The following FOXP1 variants were observed in gnomAD, a reference collection of about 807,000 sequenced individuals.
FOXP1 encodes forkhead box P1.
FOXP1 carries 15 observed loss-of-function variants against 98.2 expected under a neutral mutation model. The ratio of observed to expected loss-of-function variants is 0.15; its 90% CI spans 0.10 to 0.24. The LOEUF is 0.24. Ranked by LOEUF, FOXP1 falls within the 10% of genes least tolerant of loss-of-function variation. The probability of loss-of-function intolerance (pLI) is 1.00; values close to 1 mark genes in which losing one functional copy is unlikely to be tolerated. For missense variants in FOXP1, 633 were observed against 848.5 expected (o/e 0.75, Z 3.15); for synonymous variants, 371 against 314.5 (o/e 1.18, Z -1.90).
At chr3:71,515,889 G>A (rs141801131) in intron 2 of FOXP1, among the ~76,000 whole-genome samples, 60 of 152,318 alleles carry the variant, frequency 3.9e-4, no homozygotes, top group Non-Finnish European at 7.4e-4. Context: ...GTCAGAATAC[G>A]CTCTGTCTCT....
chr3:71,566,988 G>GC (rs2046963126), intron 2 of FOXP1, among the ~76,000 whole-genome samples: 1 of 152,046 alleles, frequency 6.6e-6, no homozygotes. Flanking sequence ...AACATTCACA[G>GC]CCCCCACAAA....
At chr3:71,296,417 T>C (rs780338846) in intron 5 of FOXP1, 2 of 152,222 alleles carry the variant, frequency 1.3e-5, no homozygotes, top group Non-Finnish European at 2.9e-5. Flanking sequence ...TTTTAAATTG[T>C]ATATTTCCAA....
chr3:71,274,685 G>A (rs1054028015), intron 5 of FOXP1, among the ~76,000 whole-genome samples: 9 of 152,198 alleles, frequency 5.9e-5, no homozygotes, highest in African/African-American at 2.2e-4. Context: ...TAGCATTACA[G>A]GAGACAAGCC....
chr3:71,356,927 T>C (rs1281040505), intron 4 of FOXP1, among the ~76,000 whole-genome samples: 3 of 152,136 alleles, frequency 2.0e-5, no homozygotes, highest in Admixed American at 2.0e-4. Flanking sequence ...AAAAAGTGGC[T>C]CACAAGAATC....
chr3:71,364,855 T>A (rs1242175659), intron 3 of FOXP1, among the ~76,000 whole-genome samples: 1 of 152,262 alleles, frequency 6.6e-6, no homozygotes, highest in Non-Finnish European at 1.5e-5. Context: ...ATTAATGTTT[T>A]AAACATTTTT....
intron 14 of FOXP1, among the ~76,000 whole-genome samples, chr3:70,979,371 C>T (rs953893573): frequency 1.4e-5 from 2 of 144,770 alleles, no homozygotes; most frequent in Non-Finnish European, 3.0e-5. Context: ...CTTATCTTCA[C>T]CTTAAAGTAC....
chr3:71,174,785 T>TACACACACACACACACACAC (rs3064896), intron 6 of FOXP1, among the ~76,000 whole-genome samples: 191 of 131,746 alleles, frequency 1.4e-3, no homozygotes, highest in Middle Eastern at 3.7e-3. Flanking sequence ...TGCACATGCA[T>TACACACACACACACACACAC]ACACACACAC....
intron 3 of FOXP1, among the ~76,000 whole-genome samples, chr3:71,456,252 A>AG (rs1553889327): frequency 0.02 from 3,038 of 151,856 alleles, 97 homozygotes; most frequent in African/African-American, 0.068. Flanking sequence ...ACAACAGAGA[A>AG]AGAGAGAGAG....
chr3:71,215,109 T>C (rs1335231631), intron 5 of FOXP1, among the ~76,000 whole-genome samples: 1 of 152,214 alleles, frequency 6.6e-6, no homozygotes, highest in Non-Finnish European at 1.5e-5. Flanking sequence ...ATATTAAAGT[T>C]TAAGAAGGCA....
intron 2 of FOXP1, among the ~76,000 whole-genome samples, chr3:71,544,026 C>T (rs935162178): frequency 2.0e-5 from 3 of 151,448 alleles, no homozygotes; most frequent in Non-Finnish European, 4.4e-5. Context: ...CACACATATA[C>T]ACACATATAC....
chr3:71,378,287 G>C (rs1443340680), intron 3 of FOXP1, among the ~76,000 whole-genome samples: 2 of 152,062 alleles, frequency 1.3e-5, no homozygotes, highest in African/African-American at 2.4e-5. Flanking sequence ...GGTACCGCTG[G>C]GGAGATGGAT....
chr3:71,512,700 G>A (rs1471130374), intron 2 of FOXP1, among the ~76,000 whole-genome samples: 1 of 152,192 alleles, frequency 6.6e-6, no homozygotes, highest in Non-Finnish European at 1.5e-5. Flanking sequence ...CTACCCAGTA[G>A]AGTAGAAAGA....
intron 7 of FOXP1, among the ~76,000 whole-genome samples, chr3:71,088,190 C>A (rs1282307937): frequency 6.6e-6 from 1 of 152,106 alleles, no homozygotes; most frequent in African/African-American, 2.4e-5. Flanking sequence ...TGCTCTTCCC[C>A]GAACCTGAAA....
At chr3:71,458,502 GA>G (rs922048512) in intron 3 of FOXP1, among the ~76,000 whole-genome samples, 4 of 152,106 alleles carry the variant, frequency 2.6e-5, no homozygotes, top group African/African-American at 9.7e-5. Flanking sequence ...TTAATTTTGG[GA>G]AAGTGTAATA....
At position 70,956,229 on chromosome 3, in the gene FOXP1, G is replaced by C. The variant is rs1046600366; in HGVS notation, c.*3018C>G. ...AGACAAAGATTCACACAGACACATC[G>C]GGATATATGTACAACGTAATAAACC... is the stretch of plus-strand genomic sequence containing the variant. On this transcript the variant is annotated 3_prime_UTR_variant, in exon 21 of 21. Transcript: ENST00000649528. The C allele has an allele frequency of 2.1e-5, 5 of 233,116 alleles. No individual in the cohort carries two copies. Among genetic ancestry groups the C allele is most frequent in the African/African-American group, 8.8e-5 (4 of 45,218 alleles). The allele number at this position is 233,116 out of a possible 1,614,324, so 14.4% of individuals were successfully genotyped here.
At chr3:71,460,012 C>T (rs995211744) in intron 3 of FOXP1, among the ~76,000 whole-genome samples, 1 of 151,298 alleles carries the variant, frequency 6.6e-6, no homozygotes, top group Non-Finnish European at 1.5e-5. Context: ...CGGCTCACTG[C>T]AAGCTCTGCC....
intron 3 of FOXP1, among the ~76,000 whole-genome samples, chr3:71,411,747 G>C (rs2082767350): frequency 6.6e-6 from 1 of 152,162 alleles, no homozygotes; most frequent in South Asian, 2.1e-4. Flanking sequence ...GTGCAAACAA[G>C]CACCACTGGC....
chr3:71,108,260 C>T (rs1234729679), intron 7 of FOXP1, among the ~76,000 whole-genome samples: 1 of 152,146 alleles, frequency 6.6e-6, no homozygotes, highest in Non-Finnish European at 1.5e-5. Flanking sequence ...TGTACTCGTG[C>T]CAACAACTAA....
intron 3 of FOXP1, among the ~76,000 whole-genome samples, chr3:71,437,787 C>A (rs1463225318): frequency 6.6e-6 from 1 of 152,190 alleles, no homozygotes; most frequent in African/African-American, 2.4e-5. Flanking sequence ...GTTCCTCTGG[C>A]TGGGGCGTAA....
Sources: allele counts gnomAD v4.1 joint callset (sites outside exome capture counted in the v4.1 genomes callset), GRCh38; gene constraint gnomAD v4.1.1; transcripts MANE v1.5; gene names NCBI Gene and HGNC (gene_info 2026-07-23, HGNC 2026-07-21).